Variants in WFS1 observed in about 807,000 individuals in gnomAD.
WFS1 encodes the protein wolframin ER transmembrane glycoprotein.
A neutral mutation model predicts 68.5 loss-of-function variants in WFS1; 90 were observed. The observed-to-expected ratio is 1.31, with a 90% CI of 1.11 to 1.56. The LOEUF (loss-of-function observed/expected upper bound fraction) is 1.56, where lower values mean the gene tolerates loss of function less well. Ranked by LOEUF, WFS1 falls within the 40% of genes most tolerant of loss-of-function variation. The probability of loss-of-function intolerance (pLI) is 0.00; values close to 1 mark genes in which losing one functional copy is unlikely to be tolerated. For synonymous variants in WFS1, 860 were observed against 540.7 expected (o/e 1.59, Z -8.19); for missense variants, 1,767 against 1,232.6 (o/e 1.43, Z -6.49).
intron 7 of WFS1, among the ~76,000 whole-genome samples, chr4:6,298,992 A>C (rs1435826762): frequency 6.6e-6 from 1 of 152,316 alleles, no homozygotes; most frequent in South Asian, 2.1e-4. Context: ...CCCTACCCCC[A>C]TGTGGGGCCG....
In WFS1 at chr4:6,299,559, G is replaced by A. The variant is rs111514905; in HGVS notation, c.862-1098G>A. Among the ~76,000 whole-genome samples the A allele has an allele frequency of 7.2e-3, 510 of 70,890 alleles. 49 individuals are homozygous for A. Among genetic ancestry groups the A allele is most frequent in the Middle Eastern group, 0.02 (2 of 102 alleles). The allele number at this position is 70,890 out of a possible 152,430, so 46.5% of individuals were successfully genotyped here. On this transcript the variant is annotated intron_variant, in intron 7 of 7. Coordinates refer to ENST00000226760, the MANE Select transcript of WFS1 (RefSeq NM_006005.3). ...GGTGGGTTGTGTGAATGTGTGTGTA[G>A]GGGTGGGTTGCGTGTGTGTGAATGT...
chr4:6,295,725 C>G (rs1308334217), intron 7 of WFS1, among the ~76,000 whole-genome samples: 3 of 152,196 alleles, frequency 2.0e-5, no homozygotes, highest in Non-Finnish European at 4.4e-5. Flanking sequence ...ATTGGGCACA[C>G]CTGGAGGACA....
At chr4:6,291,842 C>T in intron 5 of WFS1, 75 bp from the exon 6 acceptor site, 1 of 1,486,348 alleles carries the variant, frequency 6.7e-7, no homozygotes, top group Non-Finnish European at 9.2e-7. Flanking sequence ...GAACAGTGCG[C>T]CAGTTTCTGG....
Position 6,296,656 on chromosome 4 carries a change from C to T in WFS1, c.861+1467C>T, listed in dbSNP as rs901283518. ...TGAGGGTCACAGGTGAACGGGTTAA[C>T]TTGGAGAAGACCCTTGGGCCAGGCG... On this transcript the variant is annotated intron_variant, in intron 7 of 7. Transcript: ENST00000226760. Among the ~76,000 whole-genome samples the T allele has an allele frequency of 5.3e-5, 8 of 152,320 alleles. No homozygotes were observed. The South Asian group carries it at 1.2e-3, about 24-fold the overall frequency.
chr4:6,293,550 T>C (rs1223628769), intron 6 of WFS1, among the ~76,000 whole-genome samples: 1 of 152,196 alleles, frequency 6.6e-6, no homozygotes, highest in Non-Finnish European at 1.5e-5. Flanking sequence ...CAGTCACTTC[T>C]TGTCCTTGTC....
chr4:6,298,694 C>T (rs528602587), intron 7 of WFS1, among the ~76,000 whole-genome samples: 1 of 147,802 alleles, frequency 6.8e-6, no homozygotes, highest in Admixed American at 6.7e-5. Flanking sequence ...GAGCCTGCCC[C>T]TCTCCTCTCA....
At chr4:6,294,771 G>A in intron 6 of WFS1, 2 of 487,822 alleles carry the variant, frequency 4.1e-6, no homozygotes. Flanking sequence ...AAGGAGCTAG[G>A]CAGAGAGGGA....
intron 2 of WFS1, among the ~76,000 whole-genome samples, chr4:6,279,331 T>G (rs1730087464): frequency 6.6e-6 from 1 of 152,346 alleles, no homozygotes; most frequent in African/African-American, 2.4e-5. Flanking sequence ...TTTTAGGGCA[T>G]TAGCCCACTT....
chr4:6,289,233 G>T (rs1249397155), intron 4 of WFS1, 102 bp downstream of exon 4: 1 of 1,428,944 alleles, frequency 7.0e-7, no homozygotes, highest in East Asian at 2.5e-5. Flanking sequence ...TAACGCTGGT[G>T]ATGCTGTTGG....
At position 6,301,464 on chromosome 4, in the gene WFS1, C is replaced by G; in HGVS notation, c.1669C>G (p.Leu557Val). 1.2e-6 allele frequency: 2 copies of G among 1,612,732 alleles called. No individual in the cohort carries two copies. Among genetic ancestry groups the G allele is most frequent in the African/African-American group, 1.3e-5 (1 of 75,074 alleles). ...GCTGGAGTCCACCGGCCTGGGGCTG[C>G]TCCGCGCCTCCATCGGCTACTTCCT... ...ILLESTGLGLLRASIGYFLFL... is the reference protein window; with the variant it reads ...ILLESTGLGLVRASIGYFLFL... Residue 557 changes from leucine (L) to valine (V), a missense_variant, in exon 8 of 8, where the codon CTC (leucine) becomes GTC (valine). Physicochemically the swap from Leu to Val is conservative, Grantham distance 32. Coordinates refer to ENST00000226760, the MANE Select transcript of WFS1 (RefSeq NM_006005.3).
intron 7 of WFS1, among the ~76,000 whole-genome samples, chr4:6,297,585 G>A (rs916795377): frequency 2.0e-5 from 3 of 152,112 alleles, no homozygotes; most frequent in South Asian, 2.1e-4. Context: ...ATCTCGTCTC[G>A]GCTCCCTTCC....
At chr4:6,277,792 G>A (rs1730043677) in intron 2 of WFS1, 105 bp downstream of exon 2, 2 of 1,282,044 alleles carry the variant, frequency 1.6e-6, no homozygotes, top group East Asian at 5.0e-5. Flanking sequence ...GTCCTCTGCA[G>A]TTCAGCATTG....
chr4:6,302,075 G>T lies in WFS1; in HGVS notation c.2280G>T (p.Leu760=). ...AEEELCRLKL[L]AKHPCHIKKF... is the part of the protein sequence containing the mutation. ...AGGAGCTCTGTCGCCTTAAGCTGCT[G>T]GCCAAGCACCCCTGCCACATCAAGA... The change falls in exon 8 of 8, where the codon CTG becomes CTT. Residue 760 remains leucine (L), a synonymous_variant. Transcript: ENST00000226760. The T allele has an allele frequency of 2.5e-6, 4 of 1,612,874 alleles. No homozygotes were observed. In the African/African-American group the frequency reaches 5.3e-5, roughly 21 times the overall value.
intron 2 of WFS1, among the ~76,000 whole-genome samples, chr4:6,282,341 G>A (rs1261136261): frequency 2.6e-5 from 4 of 152,218 alleles, no homozygotes; most frequent in Non-Finnish European, 5.9e-5. Flanking sequence ...CCTGTCTCTG[G>A]CACAGGGATG....
chr4:6,295,302 G>A (rs988885259), intron 7 of WFS1, 113 bp downstream of exon 7: 2 of 1,316,084 alleles, frequency 1.5e-6, no homozygotes, highest in African/African-American at 2.9e-5. Context: ...CTAACAAAGA[G>A]TGTCTTACAG....
rs138682654 is a variant in WFS1 at position 6,291,367 on chromosome 4, G to A, written c.631G>A (p.Asp211Asn). The A allele has an allele frequency of 1.8e-5, 29 of 1,612,016 alleles. No homozygotes were observed. The highest frequency in any genetic ancestry group is 2.3e-5 in the Non-Finnish European group (27 of 1,179,988). Residue 211 changes from aspartate to asparagine, a missense_variant and splice_region_variant, in exon 5 of 8, where the codon GAT becomes AAT. Transcript: ENST00000226760. ...LENVGQVNEH[D>N]GGAQPGPVPK... ...GAATGTCGGCCAGGTCAACGAGCACGGTGCGAGGATTCACCCTGGGCACCA... is the reference window on the plus strand; with the variant it reads ...GAATGTCGGCCAGGTCAACGAGCACAGTGCGAGGATTCACCCTGGGCACCA...
chr4:6,290,009 A>G (rs1234621293), intron 4 of WFS1, among the ~76,000 whole-genome samples: 3 of 152,024 alleles, frequency 2.0e-5, no homozygotes, highest in Admixed American at 2.0e-4. Flanking sequence ...TGCGATCTCA[A>G]GTCACTGTAA....
chr4:6,290,414 A>T (rs1730429045), intron 4 of WFS1, among the ~76,000 whole-genome samples: 1 of 152,228 alleles, frequency 6.6e-6, no homozygotes, highest in Non-Finnish European at 1.5e-5. Context: ...CACACGGCTC[A>T]TTGTTGGGTG....
At chr4:6,286,631 T>C (rs1730314959) in intron 2 of WFS1, among the ~76,000 whole-genome samples, 1 of 152,318 alleles carries the variant, frequency 6.6e-6, no homozygotes, top group Non-Finnish European at 1.5e-5. Context: ...GTGGTTTTTG[T>C]TGGTACAATC....
Sources: gnomAD v4.1 joint callset for allele counts (sites outside exome capture counted in the v4.1 genomes callset) on GRCh38, gnomAD v4.1.1 for gene constraint, MANE v1.5 for transcripts, NCBI Gene and HGNC (gene_info 2026-07-23, HGNC 2026-07-21) for gene names.